The following RANBP17 variants were observed in gnomAD, a reference collection of about 807,000 sequenced individuals.
RANBP17 encodes RAN binding protein 17.
A neutral mutation model predicts 141.2 loss-of-function variants in RANBP17; 158 were observed. The ratio of observed to expected loss-of-function variants is 1.12; its 90% confidence interval spans 0.98 to 1.28. The LOEUF (loss-of-function observed/expected upper bound fraction) is 1.28, where lower values mean the gene tolerates loss of function less well. Ranked by LOEUF, RANBP17 falls within the 50% of genes most tolerant of loss-of-function variation. The probability of loss-of-function intolerance (pLI) is 0.00; values close to 1 mark genes in which losing one functional copy is unlikely to be tolerated. For synonymous variants in RANBP17, 430 were observed against 450.0 expected (o/e 0.96, Z 0.56); for missense variants, 1,438 against 1,290.7 (o/e 1.11, Z -1.75).
intron 16 of RANBP17, among the ~76,000 whole-genome samples, chr5:171,177,724 G>A (rs868726458): frequency 5.9e-5 from 9 of 151,974 alleles, no homozygotes; most frequent in African/African-American, 9.7e-5. Context: ...CTTTCAAGTC[G>A]TGGTTTATTT....
chr5:171,260,637 G>C (rs905694700), intron 24 of RANBP17, among the ~76,000 whole-genome samples: 1 of 152,074 alleles, frequency 6.6e-6, no homozygotes, highest in Non-Finnish European at 1.5e-5. Context: ...TTGTAGTCAG[G>C]TGACAGAAAC....
Position 171,214,188 on chromosome 5 carries a change from T to A in RANBP17, c.2339+450T>A, listed in dbSNP as rs74812849. On this transcript the variant is annotated intron_variant, in intron 21 of 27. Coordinates refer to ENST00000523189, the MANE Select transcript of RANBP17 (RefSeq NM_022897.5). ...GGAACATAGTTTGCCTCAGAAGCTC[T>A]GGGAATTATTCCTGCTTTCACTTCT... Among the ~76,000 whole-genome samples the A allele has an allele frequency of 8.1e-3, 1,231 of 152,314 alleles. 36 individuals are homozygous for A. The East Asian group carries it at 0.11, about 13-fold the overall frequency.
At chr5:171,064,474 A>T (rs957379304) in intron 14 of RANBP17, among the ~76,000 whole-genome samples, 2 of 152,194 alleles carry the variant, frequency 1.3e-5, no homozygotes, top group Admixed American at 6.5e-5. Flanking sequence ...TGAGTTGTTT[A>T]TTCAAATCTT....
At chr5:171,054,535 A>G (rs1381724393) in intron 14 of RANBP17, among the ~76,000 whole-genome samples, 1 of 152,152 alleles carries the variant, frequency 6.6e-6, no homozygotes, top group Non-Finnish European at 1.5e-5. Flanking sequence ...GCATATAAAG[A>G]GCAGTGAGGA....
intron 11 of RANBP17, among the ~76,000 whole-genome samples, chr5:170,924,108 A>G (rs1039764844): frequency 6.6e-6 from 1 of 151,044 alleles, no homozygotes. Flanking sequence ...AGCAATTCTC[A>G]TGCCTCAGCC....
chr5:171,027,469 A>T (rs1781299903), intron 14 of RANBP17, among the ~76,000 whole-genome samples: 1 of 152,080 alleles, frequency 6.6e-6, no homozygotes, highest in African/African-American at 2.4e-5. Flanking sequence ...TGAGATTTGC[A>T]TATAGTATTG....
At chr5:171,214,185 C>T (rs1190127392) in intron 21 of RANBP17, among the ~76,000 whole-genome samples, 2 of 152,138 alleles carry the variant, frequency 1.3e-5, no homozygotes, top group African/African-American at 4.8e-5. Context: ...GCCTCAGAAG[C>T]TCTGGGAATT....
At chr5:171,100,326 T>C (rs171534) in intron 14 of RANBP17, among the ~76,000 whole-genome samples, 3,462 of 152,328 alleles carry the variant, frequency 0.023, 55 homozygotes, top group Middle Eastern at 0.058. Context: ...GGTTTAGTCT[T>C]GGGAAGTTGT....
rs753698563 is a variant in RANBP17, at chr5:170,892,528, T to A, written c.398T>A (p.Ile133Asn). The change falls in exon 4 of 28, where the codon ATT becomes AAT. Residue 133 changes from isoleucine (I) to asparagine (N), a missense_variant. By Grantham distance (149) the Ile-to-Asn change is moderately radical. Transcript: ENST00000523189. ...GACCAATTTGTCTTCAGAGAAATTATTGCTGATGTGAAGAAGTTTCTCCAG... is the reference window on the plus strand; with the variant it reads ...GACCAATTTGTCTTCAGAGAAATTAATGCTGATGTGAAGAAGTTTCTCCAG... Reference protein sequence around the residue: ...QKDQFVFREIIADVKKFLQGT... With the variant: ...QKDQFVFREINADVKKFLQGT... 2.5e-6 allele frequency: 4 copies of A among 1,613,668 alleles called. No homozygotes were observed. The highest frequency in any genetic ancestry group is 1.3e-5 in the African/African-American group (1 of 74,898).
At chr5:171,143,895 C>T (rs1757869060) in intron 14 of RANBP17, among the ~76,000 whole-genome samples, 2 of 152,110 alleles carry the variant, frequency 1.3e-5, no homozygotes, top group Non-Finnish European at 2.9e-5. Flanking sequence ...GACAGAAAGC[C>T]ATGCGAGTAT....
intron 14 of RANBP17, among the ~76,000 whole-genome samples, chr5:171,066,963 C>T (rs1784347066): frequency 6.6e-6 from 1 of 152,100 alleles, no homozygotes; most frequent in South Asian, 2.1e-4. Context: ...TTGTTTTCCC[C>T]ATTGCCTTTT....
chr5:171,278,560 A>G (rs1422005176), intron 25 of RANBP17, among the ~76,000 whole-genome samples: 1 of 152,154 alleles, frequency 6.6e-6, no homozygotes, highest in Non-Finnish European at 1.5e-5. Flanking sequence ...GAAGACGTGA[A>G]AACTCAAGAG....
In RANBP17 at chr5:171,214,961, C is replaced by A. The variant is rs915566516; in HGVS notation, c.2339+1223C>A. ...GTTTGTTACATAGGTATACATGTGC[C>A]ATGGTGGTTTGCTGCACCTATCAAC... is the stretch of plus-strand genomic sequence containing the variant. On this transcript the variant is annotated intron_variant, in intron 21 of 27. Coordinates refer to ENST00000523189, the MANE Select transcript of RANBP17 (RefSeq NM_022897.5). Among the ~76,000 whole-genome samples the A allele has an allele frequency of 2.6e-5, 4 of 152,078 alleles. No individual in the cohort carries two copies. In the South Asian group the frequency reaches 8.3e-4, roughly 32 times the overall value.
intron 14 of RANBP17, among the ~76,000 whole-genome samples, chr5:171,046,833 C>G (rs915842115): frequency 1.3e-5 from 2 of 152,066 alleles, no homozygotes; most frequent in Non-Finnish European, 2.9e-5. Flanking sequence ...TAGAAACTGT[C>G]TTACTCTAAT....
intron 14 of RANBP17, among the ~76,000 whole-genome samples, chr5:171,059,097 C>T (rs1783620082): frequency 6.7e-6 from 1 of 149,296 alleles, no homozygotes; most frequent in Admixed American, 6.7e-5. Flanking sequence ...CGAAAATTTT[C>T]TCCCATTTTG....
intron 14 of RANBP17, among the ~76,000 whole-genome samples, chr5:171,016,331 T>C (rs1780433027): frequency 6.6e-6 from 1 of 152,112 alleles, no homozygotes; most frequent in Non-Finnish European, 1.5e-5. Flanking sequence ...GGAAAATTTT[T>C]CAAAATTTCT....
chr5:171,029,676 A>T (rs1489125298), intron 14 of RANBP17, among the ~76,000 whole-genome samples: 1 of 152,076 alleles, frequency 6.6e-6, no homozygotes. Context: ...TTGTACCTTG[A>T]TGCTATCTTA....
chr5:171,279,519 A>G (rs1767724238), intron 25 of RANBP17, among the ~76,000 whole-genome samples: 1 of 152,172 alleles, frequency 6.6e-6, no homozygotes, highest in African/African-American at 2.4e-5. Context: ...TAATCCAAGC[A>G]TGAAGGCAGA....
chr5:171,012,273 T>C (rs1056854823), intron 14 of RANBP17, among the ~76,000 whole-genome samples: 1 of 152,098 alleles, frequency 6.6e-6, no homozygotes, highest in African/African-American at 2.4e-5. Context: ...CTTAAGTTCA[T>C]ATGGTTATCC....
Sources: gnomAD v4.1 joint callset for allele counts (sites outside exome capture counted in the v4.1 genomes callset) on GRCh38, gnomAD v4.1.1 for gene constraint, MANE v1.5 for transcripts, NCBI Gene and HGNC (gene_info 2026-07-23, HGNC 2026-07-21) for gene names.